The following ALDH1L2 variants were observed in gnomAD, a reference collection of about 807,000 sequenced individuals.
ALDH1L2 encodes the protein aldehyde dehydrogenase 1 family member L2.
Under a neutral mutation model 111.0 loss-of-function variants are expected in ALDH1L2, and 91 were observed. That is an observed-to-expected ratio of 0.82 (90% CI 0.69 to 0.98). The LOEUF (loss-of-function observed/expected upper bound fraction) is 0.98, where lower values mean the gene tolerates loss of function less well. Among genes scored for constraint, ALDH1L2 ranks in the 50% least tolerant of loss-of-function variants. The pLI is 0.00. For synonymous variants in ALDH1L2, 374 were observed against 392.6 expected (o/e 0.95, Z 0.56); for missense variants, 995 against 1,126.8 (o/e 0.88, Z 1.67).
At position 105,070,750 on chromosome 12, in the gene ALDH1L2, A is replaced by T. The variant is rs1877640080; in HGVS notation, c.248T>A (p.Val83Asp). 1 of 1,613,950 alleles carries T rather than the reference A, an allele frequency of 6.2e-7. No individual in the cohort carries two copies. Among genetic ancestry groups the T allele is most frequent in the Non-Finnish European group, 8.5e-7 (1 of 1,180,010 alleles). The change falls in exon 3 of 23, where the codon GTC becomes GAC. Residue 83 changes from valine to aspartate, a missense_variant. By Grantham distance (152) the Val-to-Asp change is radical. Transcript: ENST00000258494. ...CACTTCTTTGATGGTCTTGCCCTTG[A>T]CCCTCCATTTAGGAAGCTTGAACAC... ...TPVFKLPKWRVKGKTIKEVAE... is the reference protein window; with the variant it reads ...TPVFKLPKWRDKGKTIKEVAE...
At chr12:105,058,603 A>G (rs950907893) in intron 9 of ALDH1L2, among the ~76,000 whole-genome samples, 1 of 152,234 alleles carries the variant, frequency 6.6e-6, no homozygotes, top group Non-Finnish European at 1.5e-5. Context: ...GATGAATGTC[A>G]TATTGTAGAC....
intron 3 of ALDH1L2, among the ~76,000 whole-genome samples, chr12:105,070,091 G>C (rs557085245): frequency 1.1e-4 from 16 of 152,186 alleles, no homozygotes; most frequent in Non-Finnish European, 2.4e-4. Context: ...AGGGGATTAT[G>C]ATACTGACAT....
intron 22 of ALDH1L2, among the ~76,000 whole-genome samples, chr12:105,025,709 T>A (rs1395082495): frequency 2.0e-5 from 3 of 152,184 alleles, no homozygotes; most frequent in Non-Finnish European, 2.9e-5. Flanking sequence ...AGACTGTAAT[T>A]TCAGTAAATC....
chr12:105,058,075 A>C lies in ALDH1L2; in HGVS notation c.1285T>G (p.Tyr429Asp), dbSNP rs763909728. ...EDQEVELVVDYISKEVNEIMV... is the reference protein window; with the variant it reads ...EDQEVELVVDDISKEVNEIMV... ...TGCAACATCAAGGAAAAGCTTACAT[A>C]ATCTACAACCAGCTCCACCTCTTGA... The change falls in exon 10 of 23, where the codon TAT (tyrosine) becomes GAT (aspartate). Residue 429 changes from tyrosine (Y) to aspartate (D), a missense_variant and splice_region_variant. Physicochemically the swap from Tyr to Asp is radical, Grantham distance 160 (BLOSUM62 -3). Coordinates refer to ENST00000258494, the MANE Select transcript of ALDH1L2 (RefSeq NM_001034173.4). 6.2e-7 allele frequency: 1 copy of C among 1,611,416 alleles called. No individual in the cohort carries two copies. The highest frequency in any genetic ancestry group is 8.5e-7 in the Non-Finnish European group (1 of 1,179,140).
chr12:105,052,209 G>T lies in ALDH1L2; in HGVS notation c.1416C>A (p.Cys472Ter), dbSNP rs764378181. The T allele has an allele frequency of 6.2e-7, 1 of 1,601,516 alleles. No individual in the cohort carries two copies. The highest frequency in any genetic ancestry group is 2.2e-5 in the East Asian group (1 of 44,468). Residue 472 changes from cysteine to a stop codon, truncating the protein, a stop_gained, in exon 12 of 23, where the codon TGC (cysteine) becomes TGA (stop). Coordinates refer to ENST00000258494, the MANE Select transcript of ALDH1L2 (RefSeq NM_001034173.4). LOFTEE classifies it high-confidence loss of function. The part of the protein sequence containing the change: ...TINPTDGSTI[C>*]KVSYASLADV... Reference sequence around the variant, plus strand: ...CCGCCAAAGAAGCGTAGGATACTTTGCATATTGTCTATTTCAAGGTAAGTA... The same window carrying T: ...CCGCCAAAGAAGCGTAGGATACTTTTCATATTGTCTATTTCAAGGTAAGTA...
intron 1 of ALDH1L2, among the ~76,000 whole-genome samples, chr12:105,079,073 T>A (rs1878212187): frequency 6.6e-6 from 1 of 152,198 alleles, no homozygotes; most frequent in South Asian, 2.1e-4. Flanking sequence ...CTAGTTTCTA[T>A]GCTAATAGAC....
intron 3 of ALDH1L2, 184 bp downstream of exon 3, chr12:105,070,386 T>G: frequency 5.0e-6 from 3 of 595,438 alleles, no homozygotes; most frequent in Non-Finnish European, 8.8e-6. Flanking sequence ...TATAGGCAAT[T>G]GAAATACACT....
intron 1 of ALDH1L2, among the ~76,000 whole-genome samples, chr12:105,078,911 T>G (rs1431219154): frequency 6.6e-6 from 1 of 152,142 alleles, no homozygotes; most frequent in East Asian, 1.9e-4. Context: ...GCACAGCGTG[T>G]CCAATACTGG....
intron 9 of ALDH1L2, among the ~76,000 whole-genome samples, chr12:105,059,638 T>C (rs1175102298): frequency 6.6e-6 from 1 of 152,218 alleles, no homozygotes; most frequent in Non-Finnish European, 1.5e-5. Flanking sequence ...GAAATGATTG[T>C]TTTTGATTTC....
chr12:105,047,186 C>T (rs534232115), intron 13 of ALDH1L2, among the ~76,000 whole-genome samples: 2 of 152,158 alleles, frequency 1.3e-5, no homozygotes, highest in African/African-American at 2.4e-5. Flanking sequence ...CTAATTTAGT[C>T]CATTCCTAAT....
chr12:105,080,079 C>A (rs1467979351), intron 1 of ALDH1L2, among the ~76,000 whole-genome samples: 1 of 152,196 alleles, frequency 6.6e-6, no homozygotes, highest in Non-Finnish European at 1.5e-5. Flanking sequence ...GTCATTATTA[C>A]AAATACCATG....
In ALDH1L2 at chr12:105,054,795, C is replaced by G. The variant is rs144399611; in HGVS notation, c.1288-1864G>C. Among the ~76,000 whole-genome samples, 690 of 152,290 alleles carry G rather than the reference C, an allele frequency of 4.5e-3. 21 individuals are homozygous for G. In the East Asian group the frequency reaches 0.079, roughly 17 times the overall value. On this transcript the variant is annotated intron_variant, in intron 10 of 22. Coordinates refer to ENST00000258494, the MANE Select transcript of ALDH1L2 (RefSeq NM_001034173.4). ...AAACTCCTGGACTCAAAGTGATCCT[C>G]CTGCCTCAGCCTCCTGAGTAGCTGG...
chr12:105,056,459 A>G (rs1876636241), intron 10 of ALDH1L2, among the ~76,000 whole-genome samples: 1 of 152,152 alleles, frequency 6.6e-6, no homozygotes, highest in Non-Finnish European at 1.5e-5. Flanking sequence ...TTGAAAACAC[A>G]TGAAGAAATA....
At chr12:105,039,439 C>T (rs978908934) in intron 17 of ALDH1L2, among the ~76,000 whole-genome samples, 1 of 152,110 alleles carries the variant, frequency 6.6e-6, no homozygotes, top group African/African-American at 2.4e-5. Context: ...ACAATTTGGG[C>T]CACAGCTTTA....
intron 13 of ALDH1L2, chr12:105,047,557 T>A (rs1875994979): frequency 6.5e-6 from 1 of 154,012 alleles, no homozygotes; most frequent in African/African-American, 2.4e-5. Flanking sequence ...AGAGTTTGCA[T>A]CTCACATACT....
At chr12:105,053,201 A>T (rs73393835) in intron 10 of ALDH1L2, among the ~76,000 whole-genome samples, 4 of 152,148 alleles carry the variant, frequency 2.6e-5, no homozygotes, top group Non-Finnish European at 5.9e-5. Flanking sequence ...ATAAAAGGTA[A>T]CTCACAAGAC....
At chr12:105,059,519 A>C (rs1373063423) in intron 9 of ALDH1L2, among the ~76,000 whole-genome samples, 1 of 152,118 alleles carries the variant, frequency 6.6e-6, no homozygotes, top group African/African-American at 2.4e-5. Flanking sequence ...TAGTATTGAA[A>C]TATTTAGTTA....
At chr12:105,078,410 G>T (rs1878175321) in intron 1 of ALDH1L2, among the ~76,000 whole-genome samples, 1 of 152,172 alleles carries the variant, frequency 6.6e-6, no homozygotes, top group South Asian at 2.1e-4. Context: ...TGTGAGCTGA[G>T]ATCGCGCCAT....
rs1223504674 is a variant in ALDH1L2 at position 105,019,904 on chromosome 12, C to T, written c.*4520G>A. 6.6e-6 allele frequency: 1 copy of T among 152,096 alleles called. No individual in the cohort carries two copies. The highest frequency in any genetic ancestry group is 1.5e-5 in the Non-Finnish European group (1 of 68,028). 9.4% of individuals were successfully genotyped at this position (152,096 alleles called of 1,614,324 possible). A position where few individuals can be genotyped will look rare whatever the true frequency, so the allele number is the denominator to read the frequency against. ...ATTATGTAAAAAAAGTATACATATT[C>T]ATAGAAAAAGTTTGGAACAATCTCA... On this transcript the variant is annotated 3_prime_UTR_variant, in exon 23 of 23. Coordinates refer to ENST00000258494, the MANE Select transcript of ALDH1L2 (RefSeq NM_001034173.4).
Sources: gnomAD v4.1 joint callset for allele counts (sites outside exome capture counted in the v4.1 genomes callset) on GRCh38, gnomAD v4.1.1 for gene constraint, MANE v1.5 for transcripts, NCBI Gene and HGNC (gene_info 2026-07-23, HGNC 2026-07-21) for gene names.